The following DLGAP1 variants were observed in gnomAD, a reference collection of about 807,000 sequenced individuals.
DLGAP1 encodes the protein disks large-associated protein 1.
DLGAP1 carries 11 observed loss-of-function variants against 90.8 expected under a neutral mutation model. The observed-to-expected ratio is 0.12, with a 90% CI of 0.08 to 0.20. The LOEUF is 0.20. Among genes scored for constraint, DLGAP1 ranks in the 10% least tolerant of loss-of-function variants. The probability of loss-of-function intolerance (pLI) is 1.00; values close to 1 mark genes in which losing one functional copy is unlikely to be tolerated. For synonymous variants in DLGAP1, 558 were observed against 540.7 expected, an observed-to-expected ratio of 1.03 and a Z score of -0.44; for missense variants, 1,050 against 1,333.8, an observed-to-expected ratio of 0.79 and a Z score of 3.31.
intron 3 of DLGAP1, among the ~76,000 whole-genome samples, chr18:3,881,033 A>G (rs1195897870): frequency 6.6e-6 from 1 of 151,604 alleles, no homozygotes; most frequent in Admixed American, 6.6e-5. Flanking sequence ...AAATTATTTG[A>G]AACAATAACT....
At chr18:4,357,059 G>C (rs940262975) in intron 1 of DLGAP1, among the ~76,000 whole-genome samples, 1 of 138,782 alleles carries the variant, frequency 7.2e-6, no homozygotes, top group Non-Finnish European at 1.5e-5. Flanking sequence ...CTGTCTGTCT[G>C]TCTCTCTCTC....
intron 1 of DLGAP1, among the ~76,000 whole-genome samples, chr18:4,360,541 T>C (rs557360229): frequency 7.2e-5 from 11 of 152,226 alleles, no homozygotes; most frequent in African/African-American, 2.4e-4. Flanking sequence ...TAAACATAGA[T>C]AAATAAAGCA....
chr18:4,310,728 C>A (rs1180245049), intron 1 of DLGAP1, among the ~76,000 whole-genome samples: 5 of 152,130 alleles, frequency 3.3e-5, no homozygotes, highest in Non-Finnish European at 5.9e-5. Flanking sequence ...GCACAAGATA[C>A]TTATCTAGAA....
chr18:4,094,608 T>TTTC (rs758313361), intron 2 of DLGAP1, among the ~76,000 whole-genome samples: 828 of 62,916 alleles, frequency 0.013, 9 homozygotes, highest in African/African-American at 0.051. Context: ...TTTCTCTTTC[T>TTTC]TTTTTTTTTT....
intron 7 of DLGAP1, among the ~76,000 whole-genome samples, chr18:3,631,978 G>T (rs545931368): frequency 1.3e-5 from 2 of 151,918 alleles, no homozygotes; most frequent in African/African-American, 4.8e-5. Context: ...CAAGTTCTCC[G>T]TTGCCCAAGC....
At chr18:4,041,825 T>A (rs2035436925) in intron 2 of DLGAP1, among the ~76,000 whole-genome samples, 1 of 152,166 alleles carries the variant, frequency 6.6e-6, no homozygotes, top group Admixed American at 6.5e-5. Flanking sequence ...AATAAATTCT[T>A]AACATATTAA....
intron 7 of DLGAP1, among the ~76,000 whole-genome samples, chr18:3,717,731 G>A (rs1357807775): frequency 3.3e-5 from 5 of 152,174 alleles, no homozygotes. Flanking sequence ...GAAATCTTAT[G>A]TTCTCACCTC....
chr18:3,673,671 C>A (rs574804867), intron 7 of DLGAP1, among the ~76,000 whole-genome samples: 3 of 151,926 alleles, frequency 2.0e-5, no homozygotes, highest in East Asian at 1.9e-4. Context: ...CTCAGCTTCC[C>A]GAGCAGCTGG....
intron 4 of DLGAP1, among the ~76,000 whole-genome samples, chr18:3,840,161 C>T (rs963565078): frequency 1.3e-5 from 2 of 152,176 alleles, no homozygotes; most frequent in African/African-American, 4.8e-5. Context: ...CATCTTATTC[C>T]TCTTTATCAG....
At chr18:4,002,807 G>A (rs945350493) in intron 3 of DLGAP1, among the ~76,000 whole-genome samples, 2 of 152,152 alleles carry the variant, frequency 1.3e-5, no homozygotes, top group Non-Finnish European at 2.9e-5. Flanking sequence ...CATGCATGTT[G>A]TTAATACTTG....
intron 1 of DLGAP1, among the ~76,000 whole-genome samples, chr18:4,254,713 T>C (rs2078852793): frequency 6.6e-6 from 1 of 152,172 alleles, no homozygotes; most frequent in Admixed American, 6.5e-5. Flanking sequence ...GAGACTAAAG[T>C]GAACACATTT....
intron 3 of DLGAP1, among the ~76,000 whole-genome samples, chr18:3,994,657 A>C (rs1030066401): frequency 1.3e-5 from 2 of 152,206 alleles, no homozygotes; most frequent in Non-Finnish European, 2.9e-5. Flanking sequence ...CCAGGTACAA[A>C]AGATCTGAAG....
At chr18:4,058,285 T>C (rs1197844702) in intron 2 of DLGAP1, among the ~76,000 whole-genome samples, 1 of 152,236 alleles carries the variant, frequency 6.6e-6, no homozygotes, top group African/African-American at 2.4e-5. Flanking sequence ...CCCTGTTATT[T>C]GTGTGCCCGG....
At chr18:4,253,560 A>T (rs188018111) in intron 1 of DLGAP1, among the ~76,000 whole-genome samples, 1 of 152,098 alleles carries the variant, frequency 6.6e-6, no homozygotes, top group Non-Finnish European at 1.5e-5. Flanking sequence ...ACAGATGCAC[A>T]CCACCATGAC....
chr18:3,786,667 A>G (rs557498028), intron 5 of DLGAP1, among the ~76,000 whole-genome samples: 2 of 152,292 alleles, frequency 1.3e-5, no homozygotes, highest in East Asian at 1.9e-4. Context: ...GCCCTCACTG[A>G]GCAAAGACCA....
chr18:3,501,945 T>A (rs1419948522), intron 12 of DLGAP1, among the ~76,000 whole-genome samples: 1 of 123,998 alleles, frequency 8.1e-6, no homozygotes, highest in South Asian at 3.0e-4. Context: ...AGCAAAACTG[T>A]TTTGAAAAAA....
At chr18:3,803,405 C>A (rs1321552387) in intron 5 of DLGAP1, among the ~76,000 whole-genome samples, 3 of 152,086 alleles carry the variant, frequency 2.0e-5, no homozygotes, top group Non-Finnish European at 4.4e-5. Flanking sequence ...CAGGAGGAGG[C>A]CAGTCTTCTC....
intron 2 of DLGAP1, among the ~76,000 whole-genome samples, chr18:4,072,364 A>G (rs1272876029): frequency 6.6e-6 from 1 of 152,002 alleles, no homozygotes; most frequent in African/African-American, 2.4e-5. Context: ...TAGTCAATGT[A>G]TCAGTCCTAT....
chr18:3,684,088 A>G (rs932547972), intron 7 of DLGAP1, among the ~76,000 whole-genome samples: 10 of 152,188 alleles, frequency 6.6e-5, no homozygotes, highest in Non-Finnish European at 2.9e-5. Flanking sequence ...GCTGTATTCT[A>G]TCACTGATAC....
Sources: gnomAD v4.1 joint callset for allele counts (sites outside exome capture counted in the v4.1 genomes callset) on GRCh38, gnomAD v4.1.1 for gene constraint, MANE v1.5 for transcripts, NCBI Gene and HGNC (gene_info 2026-07-23, HGNC 2026-07-21) for gene names.